Variants in CTNND2 observed in about 807,000 individuals in gnomAD.
CTNND2 encodes catenin delta-2.
Under a neutral mutation model 144.4 loss-of-function variants are expected in CTNND2, and 22 were observed. That is an observed-to-expected ratio of 0.15 (90% CI 0.11 to 0.22). The LOEUF (loss-of-function observed/expected upper bound fraction) is 0.22. Ranked by LOEUF, CTNND2 falls within the 10% of genes least tolerant of loss-of-function variation. The pLI is 1.00. For synonymous variants in CTNND2, 751 were observed against 695.6 expected (o/e 1.08, Z -1.25); for missense variants, 1,353 against 1,618.8 (o/e 0.84, Z 2.82).
At chr5:11,874,820 C>T (rs1055058832) in intron 1 of CTNND2, among the ~76,000 whole-genome samples, 2 of 152,144 alleles carry the variant, frequency 1.3e-5, no homozygotes, top group Non-Finnish European at 2.9e-5. Flanking sequence ...GTTTAACTCA[C>T]GAAATTGATA....
chr5:11,253,308 C>CTA (rs781387874), intron 9 of CTNND2, among the ~76,000 whole-genome samples: 3 of 152,126 alleles, frequency 2.0e-5, no homozygotes, highest in Non-Finnish European at 4.4e-5. Context: ...CAATTAAGGA[C>CTA]TATTGATATG....
At chr5:11,016,930 G>A (rs1039795792) in intron 18 of CTNND2, among the ~76,000 whole-genome samples, 7 of 150,872 alleles carry the variant, frequency 4.6e-5, no homozygotes, top group Non-Finnish European at 8.9e-5. Flanking sequence ...CTACCACGCC[G>A]AGCTTTTTAT....
chr5:11,584,681 T>C (rs979950862), intron 2 of CTNND2, among the ~76,000 whole-genome samples: 1 of 152,166 alleles, frequency 6.6e-6, no homozygotes, highest in East Asian at 1.9e-4. Context: ...CGTAATTTGA[T>C]TCAAAAATAA....
At chr5:11,040,256 A>G (rs2937494) in intron 16 of CTNND2, among the ~76,000 whole-genome samples, 9,206 of 152,138 alleles carry the variant, frequency 0.061, 456 homozygotes, top group African/African-American at 0.13. Context: ...AAAAAAACAA[A>G]AACAAAAACA....
chr5:11,621,343 G>A (rs1780828524), intron 2 of CTNND2, among the ~76,000 whole-genome samples: 1 of 152,120 alleles, frequency 6.6e-6, no homozygotes, highest in South Asian at 2.1e-4. Flanking sequence ...TTATTTGTAA[G>A]TAGGTTTGAA....
intron 16 of CTNND2, among the ~76,000 whole-genome samples, chr5:11,074,891 T>A (rs1482006250): frequency 1.3e-5 from 2 of 152,190 alleles, no homozygotes; most frequent in Non-Finnish European, 2.9e-5. Context: ...ATTATTTGAA[T>A]ATTTAAAACA....
intron 12 of CTNND2, among the ~76,000 whole-genome samples, chr5:11,122,273 T>C (rs1489149214): frequency 3.3e-5 from 5 of 152,018 alleles, no homozygotes; most frequent in African/African-American, 9.7e-5. Context: ...GAAGATGCAA[T>C]TGAAGATAGC....
At chr5:11,708,205 C>T (rs1309480715) in intron 2 of CTNND2, among the ~76,000 whole-genome samples, 3 of 151,766 alleles carry the variant, frequency 2.0e-5, no homozygotes, top group South Asian at 2.1e-4. Flanking sequence ...TGCCACCACA[C>T]CTGGCTATAA....
chr5:11,135,220 T>TA (rs1219606338), intron 12 of CTNND2, among the ~76,000 whole-genome samples: 1 of 152,166 alleles, frequency 6.6e-6, no homozygotes, highest in East Asian at 1.9e-4. Flanking sequence ...TCGTAAATAA[T>TA]AATGGTTCTT....
At chr5:11,449,253 A>T (rs1765101644) in intron 3 of CTNND2, among the ~76,000 whole-genome samples, 2 of 152,164 alleles carry the variant, frequency 1.3e-5, no homozygotes, top group Admixed American at 6.5e-5. Flanking sequence ...TATAAGAGAA[A>T]CCTACGCTTT....
rs1561401563 is a variant in CTNND2, at chr5:11,443,252, G to GGT, written c.288-31184_288-31183insAC. Among the ~76,000 whole-genome samples the GGT allele has an allele frequency of 2.7e-3, 317 of 117,056 alleles. 4 individuals carry two copies. The highest frequency in any genetic ancestry group is 0.011 in the African/African-American group (307 of 28,092). 76.8% of individuals were successfully genotyped at this position (117,056 alleles called of 152,430 possible). ...GTGTGTGTGATGTGTGTGTGTGTGT[G>GGT]CTGTGTGTGGTGTGTGTGTGGTATG... On this transcript the variant is annotated intron_variant, in intron 3 of 21. Transcript: ENST00000304623.
At chr5:11,131,899 G>T (rs772167772) in intron 12 of CTNND2, among the ~76,000 whole-genome samples, 2 of 151,960 alleles carry the variant, frequency 1.3e-5, no homozygotes, top group South Asian at 2.1e-4. Flanking sequence ...TTAACAAATC[G>T]TACTTCAAAG....
chr5:11,146,337 G>C (rs1330722699), intron 12 of CTNND2, among the ~76,000 whole-genome samples: 1 of 152,154 alleles, frequency 6.6e-6, no homozygotes, highest in Non-Finnish European at 1.5e-5. Context: ...GGGGCAGACT[G>C]GCTGCAGAGT....
chr5:11,531,061 C>G (rs1177733680), intron 3 of CTNND2, among the ~76,000 whole-genome samples: 2 of 152,200 alleles, frequency 1.3e-5, no homozygotes, highest in African/African-American at 2.4e-5. Flanking sequence ...GTTTACTCTA[C>G]TGGCAAGAGA....
At chr5:11,599,020 G>A (rs1213882481) in intron 2 of CTNND2, among the ~76,000 whole-genome samples, 1 of 152,136 alleles carries the variant, frequency 6.6e-6, no homozygotes, top group African/African-American at 2.4e-5. Context: ...TGAGCAAGCA[G>A]GGAACTGCCA....
chr5:11,832,152 C>T (rs1793938873), intron 1 of CTNND2, among the ~76,000 whole-genome samples: 2 of 151,960 alleles, frequency 1.3e-5, no homozygotes, highest in Admixed American at 1.3e-4. Context: ...GGCATGGTGG[C>T]GGGCGCCTGT....
chr5:11,842,080 T>C (rs555252990), intron 1 of CTNND2, among the ~76,000 whole-genome samples: 2 of 152,008 alleles, frequency 1.3e-5, no homozygotes, highest in South Asian at 4.2e-4. Context: ...GGGCAAGAGA[T>C]GTAATTTGCT....
At chr5:11,221,923 T>TTTA (rs1249585971) in intron 10 of CTNND2, among the ~76,000 whole-genome samples, 20 of 152,040 alleles carry the variant, frequency 1.3e-4, no homozygotes, top group Non-Finnish European at 1.5e-4. Context: ...GATGAAGAAG[T>TTTA]TTATGGTGGA....
At chr5:11,877,855 G>A (rs1406625862) in intron 1 of CTNND2, among the ~76,000 whole-genome samples, 1 of 152,066 alleles carries the variant, frequency 6.6e-6, no homozygotes, top group Non-Finnish European at 1.5e-5. Flanking sequence ...AGAACAAAGA[G>A]AGGAAAAATA....
Sources: allele counts gnomAD v4.1 joint callset (sites outside exome capture counted in the v4.1 genomes callset), GRCh38; gene constraint gnomAD v4.1.1; transcripts MANE v1.5; gene names NCBI Gene and HGNC (gene_info 2026-07-23, HGNC 2026-07-21).